The following ERG variants were observed in gnomAD, a reference collection of about 807,000 sequenced individuals.
ERG encodes the protein ETS transcription factor ERG.
ERG carries 9 observed loss-of-function variants against 55.3 expected under a neutral mutation model. The observed-to-expected ratio is 0.16, with a 90% CI of 0.10 to 0.28. ERG has a LOEUF of 0.28. Ranked by LOEUF, ERG falls within the 10% of genes least tolerant of loss-of-function variation. The pLI is 1.00. For synonymous variants in ERG, 223 were observed against 237.3 expected, an observed-to-expected ratio of 0.94 and a Z score of 0.55; for missense variants, 434 against 631.6, an observed-to-expected ratio of 0.69 and a Z score of 3.35.
intron 1 of ERG, among the ~76,000 whole-genome samples, chr21:38,619,439 T>C (rs1450685520): frequency 6.6e-6 from 1 of 151,956 alleles, no homozygotes; most frequent in Non-Finnish European, 1.5e-5. Flanking sequence ...TTAATCTCAC[T>C]GTGATCCTAG....
intron 1 of ERG, among the ~76,000 whole-genome samples, chr21:38,493,312 T>G (rs1243434926): frequency 6.6e-6 from 1 of 152,184 alleles, no homozygotes; most frequent in Non-Finnish European, 1.5e-5. Context: ...ACAAAAATTT[T>G]GCTTATCAAA....
In ERG at chr21:38,632,179, C is replaced by T. The variant is rs1308488676; in HGVS notation, c.-150+29479G>A. On this transcript the variant is annotated intron_variant, in intron 1 of 10. Coordinates refer to the ERG transcript ENST00000398910. Reference sequence around the variant, plus strand: ...ATATAACTTTGGATAAGCTGACTAACCTTTCTTTGCCTCTACATTCTTATC... The same window carrying T: ...ATATAACTTTGGATAAGCTGACTAATCTTTCTTTGCCTCTACATTCTTATC... 3.3e-5 allele frequency among the ~76,000 whole-genome samples: 5 copies of T among 151,942 alleles called. No homozygotes were observed. In the East Asian group the frequency reaches 7.8e-4, roughly 24 times the overall value.
chr21:38,586,942 G>A (rs979819101), upstream of ERG, among the ~76,000 whole-genome samples: 1 of 152,058 alleles, frequency 6.6e-6, no homozygotes, highest in African/African-American at 2.4e-5. Context: ...CATACACAAT[G>A]GAACACTATT....
At chr21:38,660,793 G>T (rs1480382401) in intron 1 of ERG, 1 of 151,804 alleles carries the variant, frequency 6.6e-6, no homozygotes, top group Non-Finnish European at 1.5e-5. Context: ...ACGCGTGGGC[G>T]GGAATGCACG....
chr21:38,490,305 T>C (rs1411681543), intron 1 of ERG, among the ~76,000 whole-genome samples: 1 of 152,190 alleles, frequency 6.6e-6, no homozygotes, highest in Non-Finnish European at 1.5e-5. Context: ...ATTTTAGTCT[T>C]AGAAGAAAAA....
At chr21:38,404,535 C>G (rs904476613) in intron 3 of ERG, among the ~76,000 whole-genome samples, 1 of 152,196 alleles carries the variant, frequency 6.6e-6, no homozygotes, top group Non-Finnish European at 1.5e-5. Flanking sequence ...GGTAAACACC[C>G]TCAGTGGTAG....
intron 1 of ERG, among the ~76,000 whole-genome samples, chr21:38,649,340 G>A (rs948024136): frequency 3.3e-5 from 5 of 152,110 alleles, no homozygotes; most frequent in African/African-American, 1.2e-4. Flanking sequence ...TTGATGATGT[G>A]GCAAACTGCA....
At chr21:38,544,861 A>G (rs2059777927) in intron 2 of ERG, among the ~76,000 whole-genome samples, 1 of 151,990 alleles carries the variant, frequency 6.6e-6, no homozygotes, top group South Asian at 2.1e-4. Context: ...CTATTTTCCC[A>G]GGACCTTTAT....
intron 3 of ERG, among the ~76,000 whole-genome samples, chr21:38,407,839 C>A (rs1988847835): frequency 1.4e-5 from 2 of 145,302 alleles, no homozygotes; most frequent in African/African-American, 5.0e-5. Flanking sequence ...AATAAAACTA[C>A]TAAAATACTT....
At chr21:38,587,852 A>C (rs1330528017), upstream of ERG, among the ~76,000 whole-genome samples, 1 of 152,220 alleles carries the variant, frequency 6.6e-6, no homozygotes, top group Non-Finnish European at 1.5e-5. Flanking sequence ...TTTTATGCCA[A>C]AACCTCTACT....
intron 1 of ERG, among the ~76,000 whole-genome samples, chr21:38,456,757 C>A (rs944039291): frequency 2.2e-4 from 33 of 152,224 alleles, no homozygotes; most frequent in Non-Finnish European, 4.6e-4. Flanking sequence ...GTGATGATGT[C>A]TGACTCCCTG....
Position 38,470,614 on chromosome 21 carries a change from G to T in ERG, c.19-24993C>A, listed in dbSNP as rs1312867106. 5.3e-5 allele frequency among the ~76,000 whole-genome samples: 8 copies of T among 152,276 alleles called. No individual in the cohort carries two copies. The East Asian group carries it at 1.5e-3, about 29-fold the overall frequency. On this transcript the variant is annotated intron_variant, in intron 1 of 9. Coordinates refer to ENST00000288319, the MANE Select transcript of ERG (RefSeq NM_182918.4). ...GTAAAGTCTAGTTCACTCTGCACTG[G>T]TATCTCTTTTCTTCCATATTTACAT...
intron 1 of ERG, among the ~76,000 whole-genome samples, chr21:38,595,864 G>A (rs897262543): frequency 7.9e-5 from 12 of 152,138 alleles, no homozygotes; most frequent in African/African-American, 2.9e-4. Context: ...TTTCTTGCTT[G>A]AAATGTCATT....
At chr21:38,500,602 C>G (rs1308139576), upstream of ERG, among the ~76,000 whole-genome samples, 1 of 152,040 alleles carries the variant, frequency 6.6e-6, no homozygotes, top group Non-Finnish European at 1.5e-5. Context: ...CACACATGCT[C>G]TCTCTCTCTC....
In ERG at chr21:38,604,090, T is replaced by TA. The variant is rs369603620; in HGVS notation, c.-149-19146dup. 4.3e-3 allele frequency among the ~76,000 whole-genome samples: 617 copies of TA among 143,962 alleles called. 4 individuals are homozygous for TA. The highest frequency in any genetic ancestry group is 6.7e-3 in the Non-Finnish European group (439 of 65,094). 94.4% of individuals were successfully genotyped at this position (143,962 alleles called of 152,430 possible). Reference sequence around the variant, plus strand: ...GGTGAAACCCCGTCTCTACTAAAAATAAAAAAAAAAAAATTAGCTGGGCAT... The same window carrying TA: ...GGTGAAACCCCGTCTCTACTAAAAATAAAAAAAAAAAAAATTAGCTGGGCAT... On this transcript the variant is annotated intron_variant, in intron 1 of 10. Coordinates refer to the ERG transcript ENST00000398910.
intron 3 of ERG, among the ~76,000 whole-genome samples, chr21:38,420,957 TA>T (rs1446494709): frequency 2.0e-5 from 3 of 152,176 alleles, no homozygotes; most frequent in Non-Finnish European, 4.4e-5. Flanking sequence ...TGAGATGGGT[TA>T]GGGGGCTTCC....
upstream of ERG, among the ~76,000 whole-genome samples, chr21:38,500,746 C>T (rs922940789): frequency 6.6e-6 from 1 of 152,016 alleles, no homozygotes; most frequent in Non-Finnish European, 1.5e-5. Context: ...AAGAGAAAAA[C>T]AGATGCTATT....
rs566764578 is a variant in ERG, at chr21:38,583,225, A to C, written c.-127+1619T>G. 1.7e-3 allele frequency among the ~76,000 whole-genome samples: 262 copies of C among 152,356 alleles called. 1 individual carries two copies. The highest frequency in any genetic ancestry group is 5.8e-3 in the African/African-American group (242 of 41,584). The stretch of plus-strand genomic sequence containing the variant: ...GAACTGCACAGGCCTGATTCCTGCC[A>C]AGCACACCAGGCCCCTGACTGGGGC... On this transcript the variant is annotated intron_variant, in intron 1 of 8. Transcript: ENST00000398897.
rs1988539195 is a variant in ERG, at chr21:38,402,462, T to C, written c.673+95A>G. 43 of 862,222 alleles carry C rather than the reference T, an allele frequency of 5.0e-5. No homozygotes were observed. The East Asian group carries it at 1.1e-3, about 22-fold the overall frequency. 53.4% of individuals were successfully genotyped at this position (862,222 alleles called of 1,614,324 possible). ...TGAATCATCTACCTGCGTTCTGTCT[T>C]CCTGGCACGCGCTGACTGGTTTCCC... is the stretch of plus-strand genomic sequence containing the variant. On this transcript the variant is annotated intron_variant, in intron 5 of 9. Coordinates refer to ENST00000288319, the MANE Select transcript of ERG (RefSeq NM_182918.4).
Sources: gnomAD v4.1 joint callset for allele counts (sites outside exome capture counted in the v4.1 genomes callset) on GRCh38, gnomAD v4.1.1 for gene constraint, MANE v1.5 for transcripts, NCBI Gene and HGNC (gene_info 2026-07-23, HGNC 2026-07-21) for gene names.